Variants in PAK5 observed in about 807,000 individuals in gnomAD.
The protein encoded by PAK5 is p21 (RAC1) activated kinase 5, also known as serine/threonine-protein kinase PAK 5.
A neutral mutation model predicts 65.9 loss-of-function variants in PAK5; 16 were observed. The ratio of observed to expected loss-of-function variants is 0.24; its 90% confidence interval spans 0.16 to 0.37. The LOEUF (loss-of-function observed/expected upper bound fraction) is 0.37. Among genes scored for constraint, PAK5 ranks in the 10% least tolerant of loss-of-function variants. PAK5 has a pLI of 1.00. For synonymous variants in PAK5, 371 were observed against 354.9 expected, an observed-to-expected ratio of 1.05 and a Z score of -0.51; for missense variants, 785 against 903.9, an observed-to-expected ratio of 0.87 and a Z score of 1.69.
chr20:9,538,433 C>T lies in PAK5; in HGVS notation c.*1029G>A, dbSNP rs1474204581. The T allele has an allele frequency of 4.3e-6, 1 of 233,410 alleles. No homozygotes were observed. The highest frequency in any genetic ancestry group is 2.2e-5 in the African/African-American group (1 of 45,314). The allele number at this position is 233,410 out of a possible 1,614,324, so 14.5% of individuals were successfully genotyped here. ...TTTTAAAAATGGTGACAAATGAAAC[C>T]AAACGTCTTGCCCTGTTCTCTCCTC... On this transcript the variant is annotated 3_prime_UTR_variant, in exon 10 of 10. Transcript: ENST00000353224.
Position 9,557,656 on chromosome 20 carries a change from A to T in PAK5, c.1695T>A (p.Ile565=). Residue 565 remains isoleucine (I), a synonymous_variant, in exon 7 of 10, where the codon ATT becomes ATA. Transcript: ENST00000353224. ...TGGAGTCACTTTTTATGTCCCTGTGAATCACTCCTTGGTTATGAAGGTAGG... is the reference window on the plus strand; with the variant it reads ...TGGAGTCACTTTTTATGTCCCTGTGTATCACTCCTTGGTTATGAAGGTAGG... The part of the protein sequence containing the change: ...ALSYLHNQGV[I]HRDIKSDSIL... 1 of 1,612,208 alleles carries T rather than the reference A, an allele frequency of 6.2e-7. No individual in the cohort carries two copies. Among genetic ancestry groups the T allele is most frequent in the Non-Finnish European group, 8.5e-7 (1 of 1,178,626 alleles).
intron 2 of PAK5, among the ~76,000 whole-genome samples, chr20:9,650,110 A>G (rs1393520758): frequency 6.6e-6 from 1 of 152,214 alleles, no homozygotes; most frequent in Non-Finnish European, 1.5e-5. Flanking sequence ...ACATGGAGTT[A>G]ACTCCAGATA....
chr20:9,655,109 C>T (rs1335348334), intron 2 of PAK5, among the ~76,000 whole-genome samples: 2 of 152,174 alleles, frequency 1.3e-5, no homozygotes, highest in Non-Finnish European at 2.9e-5. Context: ...AGCAGTTCAC[C>T]ACCCTGTAGG....
At chr20:9,578,682 A>T (rs916928148) in intron 4 of PAK5, among the ~76,000 whole-genome samples, 43 of 152,250 alleles carry the variant, frequency 2.8e-4, no homozygotes, top group African/African-American at 1.0e-3. Flanking sequence ...ACAGAAATGC[A>T]CAAGTGATAT....
At chr20:9,627,543 T>G (rs182634040) in intron 3 of PAK5, among the ~76,000 whole-genome samples, 1 of 152,336 alleles carries the variant, frequency 6.6e-6, no homozygotes, top group East Asian at 1.9e-4. Flanking sequence ...ACTGGAAGCC[T>G]GCCCTTAGAA....
Position 9,625,852 on chromosome 20 carries a change from C to T in PAK5, c.204+18273G>A, listed in dbSNP as rs190618545. On this transcript the variant is annotated intron_variant, in intron 3 of 9. Coordinates refer to ENST00000353224, the MANE Select transcript of PAK5 (RefSeq NM_177990.4). ...TATTCATTAACTTGAAAATCTGAAG[C>T]GCAGCTGATGGGTTAAAAAATAGTT... is the stretch of plus-strand genomic sequence containing the variant. 1.1e-3 allele frequency among the ~76,000 whole-genome samples: 174 copies of T among 152,222 alleles called. 1 individual carries two copies. The Middle Eastern group carries it at 0.031, about 27-fold the overall frequency.
chr20:9,618,218 A>G (rs1170269819), intron 3 of PAK5, among the ~76,000 whole-genome samples: 2 of 152,156 alleles, frequency 1.3e-5, no homozygotes, highest in Non-Finnish European at 2.9e-5. Context: ...CAGAACATAC[A>G]GTAAATACTA....
intron 1 of PAK5, among the ~76,000 whole-genome samples, chr20:9,824,956 T>A (rs2123779044): frequency 6.6e-6 from 1 of 152,304 alleles, no homozygotes; most frequent in East Asian, 1.9e-4. Context: ...GGTGAGTGAC[T>A]CGTTGGGAAT....
chr20:9,660,255 G>A (rs916876680), intron 2 of PAK5, among the ~76,000 whole-genome samples: 1 of 151,536 alleles, frequency 6.6e-6, no homozygotes, highest in Non-Finnish European at 1.5e-5. Context: ...CGTGGATTAC[G>A]CAGTAAACTG....
intron 9 of PAK5, among the ~76,000 whole-genome samples, chr20:9,539,990 CT>C (rs1488679899): frequency 6.6e-6 from 1 of 152,106 alleles, no homozygotes; most frequent in Non-Finnish European, 1.5e-5. Context: ...TTTCTAACAA[CT>C]GCAACCACAC....
chr20:9,787,572 C>A (rs2049005156), intron 1 of PAK5, among the ~76,000 whole-genome samples: 1 of 151,102 alleles, frequency 6.6e-6, no homozygotes, highest in Admixed American at 6.6e-5. Flanking sequence ...AGTTTTTCAT[C>A]TATAAAATAG....
intron 1 of PAK5, among the ~76,000 whole-genome samples, chr20:9,804,251 AT>A (rs1306227882): frequency 1.3e-5 from 2 of 152,232 alleles, no homozygotes; most frequent in African/African-American, 4.8e-5. Flanking sequence ...GGTAGTGCTT[AT>A]GATAAAATAC....
At chr20:9,717,224 T>C (rs2123506028) in intron 1 of PAK5, among the ~76,000 whole-genome samples, 1 of 152,326 alleles carries the variant, frequency 6.6e-6, no homozygotes, top group Admixed American at 6.5e-5. Flanking sequence ...GAATTTGCAT[T>C]TCCAACCTTC....
At chr20:9,722,592 G>A (rs916558586) in intron 1 of PAK5, among the ~76,000 whole-genome samples, 4 of 152,082 alleles carry the variant, frequency 2.6e-5, no homozygotes, top group African/African-American at 9.6e-5. Flanking sequence ...AGCCTGGGGG[G>A]ACAGAGCGAG....
intron 7 of PAK5, among the ~76,000 whole-genome samples, 167 bp from the exon 8 acceptor site, chr20:9,544,661 C>A (rs1197433561): frequency 6.6e-6 from 1 of 152,206 alleles, no homozygotes; most frequent in East Asian, 1.9e-4. Context: ...AAGGCATGGT[C>A]CATTTTAATG....
At chr20:9,636,604 G>A (rs2046985856) in intron 3 of PAK5, among the ~76,000 whole-genome samples, 1 of 152,134 alleles carries the variant, frequency 6.6e-6, no homozygotes, top group Admixed American at 6.5e-5. Context: ...AAGATTGTTA[G>A]GAAGACTTTG....
intron 3 of PAK5, among the ~76,000 whole-genome samples, chr20:9,592,578 T>C (rs1200414964): frequency 6.6e-6 from 1 of 152,246 alleles, no homozygotes; most frequent in Non-Finnish European, 1.5e-5. Flanking sequence ...ATTATTCCTT[T>C]GTCAAAATAC....
intron 1 of PAK5, among the ~76,000 whole-genome samples, chr20:9,813,289 G>A (rs2049319148): frequency 6.6e-6 from 1 of 151,430 alleles, no homozygotes. Flanking sequence ...ACAAACTTTT[G>A]GGGGTGACAG....
intron 4 of PAK5, chr20:9,575,752 C>G (rs1270166230): frequency 6.6e-6 from 1 of 152,192 alleles, no homozygotes; most frequent in Non-Finnish European, 1.5e-5. Context: ...GGTGAGGCTA[C>G]CTCTAGGATT....
Sources: gnomAD v4.1 joint callset for allele counts (sites outside exome capture counted in the v4.1 genomes callset) on GRCh38, gnomAD v4.1.1 for gene constraint, MANE v1.5 for transcripts, NCBI Gene and HGNC (gene_info 2026-07-23, HGNC 2026-07-21) for gene names.